The following LIPA variants were observed in gnomAD, a reference collection of about 807,000 sequenced individuals.
The protein encoded by LIPA is lysosomal acid lipase/cholesteryl ester hydrolase.
Under a neutral mutation model 40.6 loss-of-function variants are expected in LIPA, and 26 were observed. The ratio of observed to expected loss-of-function variants is 0.64; its 90% confidence interval spans 0.47 to 0.89. The LOEUF (loss-of-function observed/expected upper bound fraction) is 0.89, where lower values mean the gene tolerates loss of function less well. Ranked by LOEUF, LIPA falls within the 40% of genes least tolerant of loss-of-function variation. LIPA has a pLI of 0.00. For missense variants in LIPA, 455 were observed against 479.6 expected (o/e 0.95, Z 0.48); for synonymous variants, 188 against 168.4 (o/e 1.12, Z -0.90).
chr10:89,278,173 T>C (rs1246208680), intron 1 of LIPA: 1 of 152,240 alleles, frequency 6.6e-6, no homozygotes, highest in Non-Finnish European at 1.5e-5. Context: ...TGTTACTAAG[T>C]TTCTTTCTCT....
At chr10:89,335,850 T>C (rs1843730489) in intron 1 of LIPA, among the ~76,000 whole-genome samples, 1 of 152,226 alleles carries the variant, frequency 6.6e-6, no homozygotes, top group Non-Finnish European at 1.5e-5. Context: ...GCATAACAGA[T>C]ATAAGCAGAG....
At chr10:89,384,167 C>T (rs868688599) in intron 2 of LIPA, 5 of 1,614,186 alleles carry the variant, frequency 3.1e-6, no homozygotes, top group Middle Eastern at 1.6e-4. Context: ...CCCACTTCTG[C>T]CTTCCTGCAT....
intron 2 of LIPA, among the ~76,000 whole-genome samples, chr10:89,394,372 T>C (rs1369025258): frequency 6.6e-6 from 1 of 152,052 alleles, no homozygotes; most frequent in African/African-American, 2.4e-5. Context: ...ATCTTAGATT[T>C]AGAAATGTTA....
chr10:89,253,106 G>A (rs371958054), upstream of LIPA, among the ~76,000 whole-genome samples: 88 of 152,274 alleles, frequency 5.8e-4, no homozygotes, highest in African/African-American at 1.7e-3. Context: ...AGATCTTACC[G>A]TGTCTTCTGA....
chr10:89,250,087 CT>C (rs369821622), intron 1 of LIPA, among the ~76,000 whole-genome samples: 15,067 of 99,080 alleles, frequency 0.15, 1,765 homozygotes, highest in African/African-American at 0.3. Flanking sequence ...TTTTCTTTTT[CT>C]TTTTCTTTTC....
intron 1 of LIPA, chr10:89,332,462 G>C: frequency 6.7e-7 from 1 of 1,486,366 alleles, no homozygotes; most frequent in Non-Finnish European, 9.0e-7. Flanking sequence ...GAGGGATCTT[G>C]ATAGGGTTCC....
chr10:89,362,629 T>C, intron 2 of LIPA: 1 of 416,832 alleles, frequency 2.4e-6, no homozygotes, highest in Non-Finnish European at 4.3e-6. Flanking sequence ...TATCACCACA[T>C]AGGCAGACTG....
chr10:89,319,536 C>A (rs1176052464), intron 1 of LIPA, among the ~76,000 whole-genome samples: 1 of 152,146 alleles, frequency 6.6e-6, no homozygotes, highest in Non-Finnish European at 1.5e-5. Context: ...CCTGAATAGA[C>A]CAATAACAGG....
At chr10:89,342,450 A>G (rs1033519869) in intron 1 of LIPA, 2 of 152,200 alleles carry the variant, frequency 1.3e-5, no homozygotes, top group African/African-American at 2.4e-5. Context: ...CTCCTTAAAC[A>G]AAAGAACCTT....
At chr10:89,270,194 T>C (rs960360423) in intron 1 of LIPA, among the ~76,000 whole-genome samples, 1 of 152,234 alleles carries the variant, frequency 6.6e-6, no homozygotes, top group Non-Finnish European at 1.5e-5. Flanking sequence ...CTATTTGTGT[T>C]GGTAAAGATC....
At chr10:89,290,268 C>T (rs1273713504) in intron 1 of LIPA, among the ~76,000 whole-genome samples, 1 of 152,070 alleles carries the variant, frequency 6.6e-6, no homozygotes, top group Non-Finnish European at 1.5e-5. Flanking sequence ...TCAATTCATC[C>T]AAAACCGTAT....
intron 1 of LIPA, among the ~76,000 whole-genome samples, chr10:89,328,744 C>T (rs1391132969): frequency 1.3e-5 from 2 of 151,918 alleles, no homozygotes; most frequent in African/African-American, 4.8e-5. Context: ...TGGTCAGCAG[C>T]AAAAAAAGAA....
At chr10:89,338,629 C>T in intron 1 of LIPA, 2 of 1,587,158 alleles carry the variant, frequency 1.3e-6, no homozygotes, top group South Asian at 1.2e-5. Flanking sequence ...TGGCAGTGTA[C>T]ATCACAGTGA....
chr10:89,401,075 G>C (rs975097496), intron 2 of LIPA, among the ~76,000 whole-genome samples: 1 of 147,820 alleles, frequency 6.8e-6, no homozygotes, highest in African/African-American at 2.5e-5. Context: ...ATTAATTTTT[G>C]TATATTGAAC....
At position 89,307,644 on chromosome 10, in the gene LIPA, C is replaced by A. The variant is rs1564782410; in HGVS notation, c.-2+34967G>T. On this transcript the variant is annotated intron_variant, in intron 1 of 5. Transcript: ENST00000282673. The stretch of plus-strand genomic sequence containing the variant: ...ATTGACTTCTTGAGTGCAATTTGAA[C>A]TGTAACATTTGCTTAGTCACCTTTA... 3 of 337,358 alleles carry A rather than the reference C, an allele frequency of 8.9e-6. No individual in the cohort carries two copies. In the East Asian group the frequency reaches 1.4e-4, roughly 16 times the overall value. The allele number at this position is 337,358 out of a possible 1,614,324, so 20.9% of individuals were successfully genotyped here.
At chr10:89,386,863 C>T (rs1844213246) in intron 2 of LIPA, among the ~76,000 whole-genome samples, 1 of 152,012 alleles carries the variant, frequency 6.6e-6, no homozygotes, top group Non-Finnish European at 1.5e-5. Flanking sequence ...AATATTGAAA[C>T]CTTCCCACCA....
rs577694591 is a variant in LIPA at position 89,260,950 on chromosome 10, G to A, written c.-1-13301C>T. On this transcript the variant is annotated intron_variant, in intron 1 of 5. Transcript: ENST00000282673. ...TTTCCTATGCTGGGCTTCTCAGTCA[G>A]TTTCATCACAAAAGGTGAAAGGTAG... Among the ~76,000 whole-genome samples, 46 of 152,280 alleles carry A rather than the reference G, an allele frequency of 3.0e-4. 1 individual carries two copies. The highest frequency in any genetic ancestry group is 2.3e-3 in the Admixed American group (35 of 15,300).
At chr10:89,263,423 C>T (rs1310366535) in intron 1 of LIPA, among the ~76,000 whole-genome samples, 1 of 152,234 alleles carries the variant, frequency 6.6e-6, no homozygotes, top group Non-Finnish European at 1.5e-5. Flanking sequence ...TTTTAATATG[C>T]TTGCATCTTT....
At position 89,327,227 on chromosome 10, in the gene LIPA, G is replaced by C. The variant is rs537459324; in HGVS notation, c.-2+15384C>G. ...CAAGTAGCAGGCTTCAGAGAGAATA[G>C]GTTGTAAATGTTTCTTAATACACTT... On this transcript the variant is annotated intron_variant, in intron 1 of 5. Coordinates refer to the LIPA transcript ENST00000282673. 1.5e-4 allele frequency among the ~76,000 whole-genome samples: 23 copies of C among 152,290 alleles called. No individual in the cohort carries two copies. In the South Asian group the frequency reaches 4.8e-3, roughly 32 times the overall value.
Sources: gnomAD v4.1 joint callset for allele counts (sites outside exome capture counted in the v4.1 genomes callset) on GRCh38, gnomAD v4.1.1 for gene constraint, MANE v1.5 for transcripts, NCBI Gene and HGNC (gene_info 2026-07-23, HGNC 2026-07-21) for gene names.